The following B4GALNT2 variants were observed in gnomAD, a reference collection of about 807,000 sequenced individuals.
B4GALNT2 encodes the protein beta-1,4-N-acetyl-galactosaminyltransferase 2 (SID blood group), also known as N-acetylneuraminylgalactosylglucosyl-glucoside beta-1,4-N- acetylgalactosaminyltransferase 2.
A neutral mutation model predicts 51.1 loss-of-function variants in B4GALNT2; 42 were observed. The ratio of observed to expected loss-of-function variants is 0.82; its 90% CI spans 0.64 to 1.06. The LOEUF is 1.06. Among genes scored for constraint, B4GALNT2 ranks in the 50% least tolerant of loss-of-function variants. The pLI is 0.00. For missense variants in B4GALNT2, 602 were observed against 633.6 expected (o/e 0.95, Z 0.54); for synonymous variants, 253 against 251.7 (o/e 1.01, Z -0.05).
upstream of B4GALNT2, among the ~76,000 whole-genome samples, chr17:49,131,307 A>G (rs6504597): frequency 0.53 from 80,263 of 151,724 alleles, 21,514 homozygotes; most frequent in Middle Eastern, 0.62. Flanking sequence ...ATAGTTATCT[A>G]CATTTGTTAC....
intron 1 of B4GALNT2, among the ~76,000 whole-genome samples, chr17:49,140,780 G>A (rs541868922): frequency 4.1e-5 from 6 of 146,962 alleles, no homozygotes; most frequent in South Asian, 2.1e-4. Context: ...GTGCAGTGGC[G>A]TGATCTTGGC....
intron 2 of B4GALNT2, among the ~76,000 whole-genome samples, 186 bp downstream of exon 2, chr17:49,141,633 T>C (rs778298827): frequency 1.2e-4 from 19 of 152,170 alleles, no homozygotes; most frequent in Non-Finnish European, 1.8e-4. Context: ...ATGTTCTCTA[T>C]AGCATCCAGC....
rs188873959 is a variant in B4GALNT2, at chr17:49,150,045, T to C, written c.354-2755T>C. Among the ~76,000 whole-genome samples the C allele has an allele frequency of 2.1e-3, 325 of 151,472 alleles. 2 individuals carry two copies. The highest frequency in any genetic ancestry group is 6.9e-3 in the African/African-American group (287 of 41,364). On this transcript the variant is annotated intron_variant, in intron 3 of 10. Coordinates refer to ENST00000393354, the MANE Select transcript of B4GALNT2 (RefSeq NM_001159387.2). ...TCCGTTAATTACCTGTTTATGTTCT[T>C]TACCATTTAAAAATTTTGGAGGTCG...
intron 4 of B4GALNT2, among the ~76,000 whole-genome samples, chr17:49,155,944 A>T (rs1305550231): frequency 1.3e-5 from 2 of 151,756 alleles, no homozygotes; most frequent in African/African-American, 4.8e-5. Context: ...AGCCAGGATG[A>T]TCTCGATCTC....
intron 7 of B4GALNT2, among the ~76,000 whole-genome samples, 159 bp downstream of exon 7, chr17:49,160,800 C>G (rs995971011): frequency 6.6e-6 from 1 of 152,136 alleles, no homozygotes. Flanking sequence ...CTCTAAGACA[C>G]AATCCCCTAA....
chr17:49,138,963 G>A (rs2042615249), intron 1 of B4GALNT2, among the ~76,000 whole-genome samples: 1 of 152,138 alleles, frequency 6.6e-6, no homozygotes, highest in African/African-American at 2.4e-5. Flanking sequence ...ATGAGATAAT[G>A]CACACAAAGC....
chr17:49,169,085 C>A (rs897826344), intron 10 of B4GALNT2, among the ~76,000 whole-genome samples, 185 bp downstream of exon 10: 2 of 152,088 alleles, frequency 1.3e-5, no homozygotes, highest in South Asian at 4.1e-4. Context: ...TCCCTCCTCA[C>A]GTCTCTTTGA....
chr17:49,133,673 G>A (rs1348550797), intron 1 of B4GALNT2, among the ~76,000 whole-genome samples: 1 of 152,164 alleles, frequency 6.6e-6, no homozygotes, highest in African/African-American at 2.4e-5. Flanking sequence ...AGCACTTTGG[G>A]AGGCCGAGGT....
chr17:49,156,475 A>C, intron 4 of B4GALNT2, 91 bp from the exon 5 acceptor site: 1 of 1,371,748 alleles, frequency 7.3e-7, no homozygotes, highest in Non-Finnish European at 1.0e-6. Flanking sequence ...GCTCTCAAGG[A>C]TGTGCAGGAG....
intron 3 of B4GALNT2, chr17:49,149,016 A>C (rs1410755508): frequency 6.5e-6 from 1 of 154,342 alleles, no homozygotes; most frequent in Admixed American, 6.6e-5. Context: ...AGATCGTGCC[A>C]CTGAATTCCA....
upstream of B4GALNT2, among the ~76,000 whole-genome samples, chr17:49,130,561 C>A (rs960329510): frequency 6.6e-6 from 1 of 152,158 alleles, no homozygotes; most frequent in Non-Finnish European, 1.5e-5. Context: ...TTGCTTGAAC[C>A]CGGGAGGCAG....
intron 3 of B4GALNT2, among the ~76,000 whole-genome samples, chr17:49,143,271 C>CAAAA (rs1240836985): frequency 1.4e-5 from 2 of 147,002 alleles, no homozygotes; most frequent in African/African-American, 5.2e-5. Context: ...AGAGAAAAAA[C>CAAAA]AAACAAACAA....
chr17:49,171,940 G>T lies in B4GALNT2; in HGVS notation c.*2212G>T. The T allele has an allele frequency of 3.4e-6, 1 of 289,982 alleles. No homozygotes were observed. 18.0% of individuals were successfully genotyped at this position (289,982 alleles called of 1,614,324 possible). ...AAGAGCAGAAAGCATGTGTAACTGT[G>T]TCACACAGTGATTACATCCAGGCAT... On this transcript the variant is annotated 3_prime_UTR_variant, in exon 11 of 11. Transcript: ENST00000393354.
intron 3 of B4GALNT2, among the ~76,000 whole-genome samples, chr17:49,144,326 C>T (rs533553374): frequency 6.6e-6 from 1 of 152,308 alleles, no homozygotes; most frequent in East Asian, 1.9e-4. Flanking sequence ...TAGCCACTAC[C>T]CTCCAAATTA....
At chr17:49,144,504 C>T (rs1464592822) in intron 3 of B4GALNT2, among the ~76,000 whole-genome samples, 4 of 152,186 alleles carry the variant, frequency 2.6e-5, no homozygotes, top group South Asian at 2.1e-4. Flanking sequence ...ACAGTGCTGC[C>T]GCGGGAAGCT....
In B4GALNT2 at chr17:49,171,974, G is replaced by A; in HGVS notation, c.*2246G>A. 1 of 259,466 alleles carries A rather than the reference G, an allele frequency of 3.9e-6. No individual in the cohort carries two copies. Among genetic ancestry groups the A allele is most frequent in the Non-Finnish European group, 7.4e-6 (1 of 135,426 alleles). 16.1% of individuals were successfully genotyped at this position (259,466 alleles called of 1,614,324 possible). A position where few individuals can be genotyped will look rare whatever the true frequency, so the allele number is the denominator to read the frequency against. ...TGATTACATCCAGGCATTATTGCCA[G>A]CCAAGATTGATAAATATGCCCAATA... is the stretch of plus-strand genomic sequence containing the variant. On this transcript the variant is annotated 3_prime_UTR_variant, in exon 11 of 11. Coordinates refer to ENST00000393354, the MANE Select transcript of B4GALNT2 (RefSeq NM_001159387.2).
intron 1 of B4GALNT2, chr17:49,133,131 G>T: frequency 6.5e-7 from 1 of 1,529,328 alleles, no homozygotes; most frequent in Non-Finnish European, 8.7e-7. Context: ...GCTCGGGAGT[G>T]CGGGCTTCGG....
chr17:49,142,654 T>C (rs551849042), intron 3 of B4GALNT2, among the ~76,000 whole-genome samples: 122 of 152,144 alleles, frequency 8.0e-4, no homozygotes, highest in Middle Eastern at 3.4e-3. Flanking sequence ...ATCACACCAC[T>C]GCACTCCAGC....
At chr17:49,137,285 C>A (rs1333926504) in intron 1 of B4GALNT2, among the ~76,000 whole-genome samples, 1 of 152,144 alleles carries the variant, frequency 6.6e-6, no homozygotes, top group African/African-American at 2.4e-5. Flanking sequence ...AGAAATGGGG[C>A]CTTATAAGAG....
Sources: allele counts gnomAD v4.1 joint callset (sites outside exome capture counted in the v4.1 genomes callset), GRCh38; gene constraint gnomAD v4.1.1; transcripts MANE v1.5; gene names NCBI Gene and HGNC (gene_info 2026-07-23, HGNC 2026-07-21).